SH3GL3: variants seen among roughly 807,000 people sequenced by gnomAD.
The protein encoded by SH3GL3 is SH3 domain containing GRB2 like 3, endophilin A3.
In SH3GL3, 33 loss-of-function variants were observed where a neutral mutation model predicts 47.7. The ratio of observed to expected loss-of-function variants is 0.69; its 90% CI spans 0.52 to 0.92. The LOEUF is 0.92. SH3GL3 is among the 40% of genes least tolerant of loss of function. The pLI, the probability that SH3GL3 is intolerant of heterozygous loss-of-function variation, is 0.00. For missense variants in SH3GL3, 363 were observed against 417.8 expected (o/e 0.87, Z 1.14); for synonymous variants, 155 against 148.8 (o/e 1.04, Z -0.30).
chr15:83,586,448 C>A (rs2059957328), intron 6 of SH3GL3, among the ~76,000 whole-genome samples: 1 of 152,152 alleles, frequency 6.6e-6, no homozygotes, highest in African/African-American at 2.4e-5. Context: ...TGGATAGCAA[C>A]AAAACGCATA....
chr15:83,463,343 A>G (rs2040397994), intron 1 of SH3GL3, among the ~76,000 whole-genome samples: 1 of 151,764 alleles, frequency 6.6e-6, no homozygotes, highest in African/African-American at 2.4e-5. Context: ...TCTGGCTTTG[A>G]GCTTCTGGAA....
chr15:83,610,615 T>C (rs2060634704), intron 8 of SH3GL3, among the ~76,000 whole-genome samples: 1 of 151,654 alleles, frequency 6.6e-6, no homozygotes, highest in Non-Finnish European at 1.5e-5. Flanking sequence ...TTTCAGGGGG[T>C]ATATTGCATA....
chr15:83,486,338 T>A (rs895475608), intron 1 of SH3GL3, among the ~76,000 whole-genome samples: 3 of 152,196 alleles, frequency 2.0e-5, no homozygotes, highest in Non-Finnish European at 2.9e-5. Flanking sequence ...CTCTATCTAG[T>A]TCCAAAACAT....
chr15:83,520,088 GC>G (rs2043143053), intron 1 of SH3GL3, among the ~76,000 whole-genome samples: 1 of 152,178 alleles, frequency 6.6e-6, no homozygotes, highest in Non-Finnish European at 1.5e-5. Context: ...TTCCTACAGA[GC>G]AAATGTGTAG....
At chr15:83,560,693 A>G (rs149645197) in intron 2 of SH3GL3, among the ~76,000 whole-genome samples, 43 of 152,300 alleles carry the variant, frequency 2.8e-4, no homozygotes, top group Non-Finnish European at 5.9e-4. Context: ...AAGCATGGAA[A>G]CATATAATAC....
the SH3GL3 span, among the ~76,000 whole-genome samples, chr15:83,624,030 G>T: frequency 4.4e-3 from 672 of 152,124 alleles, 16 homozygotes; most frequent in East Asian, 0.07. Context: ...CAGGTGATCC[G>T]CCCACCTCGG....
At position 83,613,499 on chromosome 15, in the gene SH3GL3, T is replaced by A. The variant is rs76402929; in HGVS notation, c.839-4583T>A. Among the ~76,000 whole-genome samples the A allele has an allele frequency of 1.5e-3, 232 of 152,308 alleles. 2 individuals carry two copies. In the East Asian group the frequency reaches 0.037, roughly 24 times the overall value. On this transcript the variant is annotated intron_variant, in intron 8 of 8. Transcript: ENST00000427482. ...TGCAGCAAGAACCCAGGTTTACACA[T>A]GGAGGTGGTGGCCTGGTTTACACAT...
chr15:83,565,340 A>G, intron 3 of SH3GL3, 134 bp downstream of exon 3: 4 of 673,348 alleles, frequency 5.9e-6, no homozygotes, highest in Non-Finnish European at 1.1e-5. Flanking sequence ...TTTAAAGCTG[A>G]GTCTCCAGTG....
intron 1 of SH3GL3, among the ~76,000 whole-genome samples, chr15:83,462,180 ACCAAACC>A (rs2040333424): frequency 6.6e-6 from 1 of 152,074 alleles, no homozygotes; most frequent in African/African-American, 2.4e-5. Flanking sequence ...CAGAAAGTTC[ACCAAACC>A]GCCTGATGCC....
At chr15:83,602,932 C>G (rs1300349674) in intron 8 of SH3GL3, among the ~76,000 whole-genome samples, 3 of 152,122 alleles carry the variant, frequency 2.0e-5, no homozygotes, top group Non-Finnish European at 4.4e-5. Context: ...TGCTCAGGGA[C>G]CTTGTGGGTT....
intron 6 of SH3GL3, 75 bp downstream of exon 6, chr15:83,576,816 T>C: frequency 1.8e-6 from 2 of 1,093,546 alleles, no homozygotes; most frequent in African/African-American, 1.6e-5. Context: ...GATCGGCATG[T>C]TGAAAAACTC....
intron 4 of SH3GL3, 86 bp downstream of exon 4, chr15:83,568,758 C>T (rs1352372176): frequency 1.0e-6 from 1 of 968,076 alleles, no homozygotes; most frequent in Non-Finnish European, 1.5e-6. Flanking sequence ...GTCTAACAAC[C>T]TTTGTTATTT....
chr15:83,621,103 C>G (rs1348278703), downstream of SH3GL3, among the ~76,000 whole-genome samples: 1 of 152,208 alleles, frequency 6.6e-6, no homozygotes, highest in Non-Finnish European at 1.5e-5. Flanking sequence ...GCTGGTTGAT[C>G]ATCAGACCAC....
chr15:83,592,677 G>A (rs943712082), intron 8 of SH3GL3, among the ~76,000 whole-genome samples: 1 of 152,140 alleles, frequency 6.6e-6, no homozygotes, highest in Non-Finnish European at 1.5e-5. Flanking sequence ...TTTTAAGCTC[G>A]CTGAGGAATC....
chr15:83,496,343 A>C (rs1347041028), intron 1 of SH3GL3, among the ~76,000 whole-genome samples: 2 of 146,780 alleles, frequency 1.4e-5, no homozygotes, highest in African/African-American at 5.1e-5. Context: ...TGGGCAACAG[A>C]GTGAGATTAT....
intron 1 of SH3GL3, among the ~76,000 whole-genome samples, chr15:83,464,845 A>G (rs1273448497): frequency 6.6e-6 from 1 of 152,022 alleles, no homozygotes. Flanking sequence ...TTTGCCCACA[A>G]TGGCCAGGAT....
intron 1 of SH3GL3, among the ~76,000 whole-genome samples, chr15:83,536,708 C>A (rs1325143914): frequency 2.0e-5 from 3 of 152,084 alleles, no homozygotes; most frequent in African/African-American, 7.2e-5. Context: ...TTTTAATAAG[C>A]AATTCTGATT....
At chr15:83,530,608 G>A (rs1458457311) in intron 1 of SH3GL3, among the ~76,000 whole-genome samples, 3 of 151,340 alleles carry the variant, frequency 2.0e-5, no homozygotes, top group African/African-American at 7.3e-5. Flanking sequence ...CCCCTCCTCA[G>A]GTCAACTGTT....
chr15:83,591,463 A>C (rs1456622062), intron 8 of SH3GL3, among the ~76,000 whole-genome samples: 1 of 103,674 alleles, frequency 9.6e-6, no homozygotes, highest in Non-Finnish European at 1.9e-5. Context: ...CCTTATGGCT[A>C]TCCTTAAAGG....
Sources: allele counts gnomAD v4.1 joint callset (sites outside exome capture counted in the v4.1 genomes callset), GRCh38; gene constraint gnomAD v4.1.1; transcripts MANE v1.5; gene names NCBI Gene and HGNC (gene_info 2026-07-23, HGNC 2026-07-21).